EVPL: variants seen among roughly 807,000 people sequenced by gnomAD.
EVPL encodes 210 kDa cornified envelope precursor protein.
A neutral mutation model predicts 129.7 loss-of-function variants in EVPL; 94 were observed. The observed-to-expected ratio is 0.72, with a 90% confidence interval of 0.61 to 0.86. The LOEUF (loss-of-function observed/expected upper bound fraction) is 0.86. Ranked by LOEUF, EVPL falls within the 40% of genes least tolerant of loss-of-function variation. The pLI is 0.00. For synonymous variants in EVPL, 1,172 were observed against 1,191.1 expected, an observed-to-expected ratio of 0.98 and a Z score of 0.33; for missense variants, 2,625 against 2,721.1, an observed-to-expected ratio of 0.96 and a Z score of 0.79.
At position 76,007,891 on chromosome 17, in the gene EVPL, G is replaced by A; in HGVS notation, c.5314C>T (p.Pro1772Ser). 2 of 1,614,034 alleles carry A rather than the reference G, an allele frequency of 1.2e-6. No homozygotes were observed. Among genetic ancestry groups the A allele is most frequent in the South Asian group, 1.1e-5 (1 of 91,090 alleles). ...ACAAGCAGCGCAAACTCGGAGATGGGCAGGTGGCCGTCCTTGTACAGATGG... is the reference window on the plus strand; with the variant it reads ...ACAAGCAGCGCAAACTCGGAGATGGACAGGTGGCCGTCCTTGTACAGATGG... ...EYHLYKDGHLPISEFALLVAG... is the reference protein window; with the variant it reads ...EYHLYKDGHLSISEFALLVAG... The change falls in exon 22 of 22, where the codon CCC (proline) becomes TCC (serine). Residue 1772 changes from proline to serine, a missense_variant. Around this residue, in one of 4 missense-constraint regions of EVPL, gnomAD observed 1,453 missense variants for 1,511.8 expected, o/e 0.96. Transcript: ENST00000301607. This position sits in a 1 kb window ranked among gnomAD's most constrained non-coding sequence, Gnocchi z 8.8.
chr17:76,014,987 C>T lies in EVPL; in HGVS notation c.2151G>A (p.Leu717=), dbSNP rs746329509. 9.4e-6 allele frequency: 15 copies of T among 1,596,532 alleles called. No homozygotes were observed. The highest frequency in any genetic ancestry group is 6.7e-5 in the African/African-American group (5 of 74,782). ...QNNFQEFCQD[L]PRQQRQVRAL... is the part of the protein sequence containing the mutation. ...CTCGCACCTGGCGCTGCTGGCGAGG[C>T]AGGTCTTGGCAGAACTCCTGGAAGT... is the stretch of plus-strand genomic sequence containing the variant. Residue 717 remains leucine, a synonymous_variant, in exon 17 of 22, where the codon CTG becomes CTA. Coordinates refer to ENST00000301607, the MANE Select transcript of EVPL (RefSeq NM_001988.4).
In EVPL at chr17:76,008,340, T is replaced by G. The variant is rs140054971; in HGVS notation, c.4865A>C (p.Gln1622Pro). The change falls in exon 22 of 22, where the codon CAG (glutamine) becomes CCG (proline). Residue 1622 changes from glutamine to proline, a missense_variant. Around this residue, in one of 4 missense-constraint regions of EVPL, gnomAD observed 1,453 missense variants for 1,511.8 expected, o/e 0.96. Coordinates refer to ENST00000301607, the MANE Select transcript of EVPL (RefSeq NM_001988.4). The surrounding 1 kb of genome is among the most constrained non-coding windows in gnomAD (Gnocchi z 7.4). ...QLQEESKLLS[Q>P]KTESERQKAA... is the part of the protein sequence containing the mutation. ...CTTCTGTCGCTCGCTCTCCGTCTTC[T>G]GGCTGAGCAGCTTCGACTCCTCCTG... The G allele has an allele frequency of 8.1e-6, 13 of 1,605,140 alleles. No individual in the cohort carries two copies. In the Middle Eastern group the frequency reaches 6.6e-4, roughly 81 times the overall value.
intron 21 of EVPL, 69 bp from the exon 22 acceptor site, chr17:76,010,612 A>G (rs374582363): frequency 1.4e-6 from 2 of 1,475,268 alleles, no homozygotes. Context: ...TTTTCCTGAG[A>G]TGAAAGACCC....
At position 76,009,193 on chromosome 17, in the gene EVPL, G is replaced by T. The variant is rs780356889; in HGVS notation, c.4012C>A (p.Arg1338=). Residue 1338 remains arginine, a synonymous_variant, in exon 22 of 22, where the codon CGG becomes AGG. Coordinates refer to ENST00000301607, the MANE Select transcript of EVPL (RefSeq NM_001988.4). The surrounding 1 kb of genome is among the most constrained non-coding windows in gnomAD (Gnocchi z 5.9). ...GCCCGCCTCTTCTGGGCCGCCTCCC[G>T]CACCTCCTGGCGGAGCCGCTCTGCT... ...KEAERLRQEV[R]EAAQKRRAAE... The T allele has an allele frequency of 6.3e-5, 101 of 1,609,814 alleles. No homozygotes were observed. Among genetic ancestry groups the T allele is most frequent in the Non-Finnish European group, 8.1e-5 (95 of 1,179,852 alleles).
rs754513385 is a variant in EVPL at position 76,022,467 on chromosome 17, G to A, written c.552C>T (p.Ile184=). ...ELEQQIAEHN[I]LQKEIDAYGQ... is the part of the protein sequence containing the mutation. Reference sequence around the variant, plus strand: ...CATAGGCGTCGATCTCCTTCTGCAGGATGTTGTGCTCGGCGATCTGTTGCT... The same window carrying A: ...CATAGGCGTCGATCTCCTTCTGCAGAATGTTGTGCTCGGCGATCTGTTGCT... The change falls in exon 5 of 22, where the codon ATC becomes ATT. Residue 184 remains isoleucine (I), a synonymous_variant. Transcript: ENST00000301607. The surrounding 1 kb of genome is among the most constrained non-coding windows in gnomAD (Gnocchi z 5.6). 4.3e-6 allele frequency: 7 copies of A among 1,613,786 alleles called. No homozygotes were observed. In the South Asian group the frequency reaches 7.7e-5, roughly 18 times the overall value.
rs1344830583 is a variant in EVPL, at chr17:76,024,715, A to G, written c.99-595T>C. Among the ~76,000 whole-genome samples, 1 of 152,100 alleles carries G rather than the reference A, an allele frequency of 6.6e-6. No homozygotes were observed. Among genetic ancestry groups the G allele is most frequent in the East Asian group, 1.9e-4 (1 of 5,190 alleles). On this transcript the variant is annotated intron_variant, in intron 1 of 21. Coordinates refer to ENST00000301607, the MANE Select transcript of EVPL (RefSeq NM_001988.4). The surrounding 1 kb of genome is among the most constrained non-coding windows in gnomAD (Gnocchi z 4.5). ...GCAAGAGACTACTGGGCACCCTAAC[A>G]TTCTCCAGAGTTGAGGGTTCAAAGC... is the stretch of plus-strand genomic sequence containing the variant.
In EVPL at chr17:76,015,384, G is replaced by C; in HGVS notation, c.1890-19C>G. The C allele has an allele frequency of 6.2e-7, 1 of 1,603,256 alleles. No individual in the cohort carries two copies. Among genetic ancestry groups the C allele is most frequent in the Non-Finnish European group, 8.5e-7 (1 of 1,175,840 alleles). ...CTTGGCTCTGCCGCAGAGGAGGCAA[G>C]GCTCAGACACTCCCTGGGCCACACG... is the stretch of plus-strand genomic sequence containing the variant. On this transcript the variant is annotated intron_variant, in intron 15 of 21. Coordinates refer to ENST00000301607, the MANE Select transcript of EVPL (RefSeq NM_001988.4).
rs746454582 is a variant in EVPL, at chr17:76,010,128, G to C, written c.3077C>G (p.Pro1026Arg). The change falls in exon 22 of 22, where the codon CCC (proline) becomes CGC (arginine). Residue 1026 changes from proline to arginine, a missense_variant. Physicochemically the swap from Pro to Arg is moderately radical, Grantham distance 103. Transcript: ENST00000301607. ...CTGGGCCGCCTGGCTGTCCAGGCCG[G>C]GGTCCCTCTCCACCTGGGTGACCTC... is the stretch of plus-strand genomic sequence containing the variant. ...TKEVTQVERD[P>R]GLDSQAAQLR... The C allele has an allele frequency of 4.8e-5, 77 of 1,613,906 alleles. No homozygotes were observed. Among genetic ancestry groups the C allele is most frequent in the Non-Finnish European group, 5.7e-5 (67 of 1,180,034 alleles).
Position 76,008,877 on chromosome 17 carries a change from G to T in EVPL, c.4328C>A (p.Thr1443Asn), listed in dbSNP as rs1378094546. ...CTTCTCGAGCTCCTGGATCCTCAAG[G>T]TCAGCTGCCGCAGCTCCCTCTCCAC... ...LAVERELRQL[T>N]LRIQELEKRP... Residue 1443 changes from threonine to asparagine, a missense_variant, in exon 22 of 22, where the codon ACC becomes AAC. Coordinates refer to ENST00000301607, the MANE Select transcript of EVPL (RefSeq NM_001988.4). This position sits in a 1 kb window ranked among gnomAD's most constrained non-coding sequence, Gnocchi z 7.4. 2 of 1,613,652 alleles carry T rather than the reference G, an allele frequency of 1.2e-6. No homozygotes were observed. The highest frequency in any genetic ancestry group is 1.7e-6 in the Non-Finnish European group (2 of 1,179,998).
chr17:76,025,741 C>A (rs1002398692), intron 1 of EVPL, among the ~76,000 whole-genome samples: 1 of 152,258 alleles, frequency 6.6e-6, no homozygotes, highest in African/African-American at 2.4e-5. Flanking sequence ...CACTCCCACA[C>A]CAGCCTTTCA....
In EVPL at chr17:76,008,945, C is replaced by T; in HGVS notation, c.4260G>A (p.Glu1420=). The change falls in exon 22 of 22, where the codon GAG becomes GAA. Residue 1420 remains glutamate, a synonymous_variant. Transcript: ENST00000301607. The surrounding 1 kb of genome is among the most constrained non-coding windows in gnomAD (Gnocchi z 7.4). ...QQLRAGVEEQ[E]GLLSFQEDRS... The stretch of plus-strand genomic sequence containing the variant: ...GGTCCTCCTGGAAGCTGAGCAGGCC[C>T]TCCTGCTCCTCCACGCCGGCCCGCA... 1.2e-6 allele frequency: 2 copies of T among 1,612,182 alleles called. No individual in the cohort carries two copies. Among genetic ancestry groups the T allele is most frequent in the Non-Finnish European group, 1.7e-6 (2 of 1,179,992 alleles).
Position 76,008,764 on chromosome 17 carries a change from G to A in EVPL, c.4441C>T (p.Leu1481=). ...TTCTCCTGGTCCAGGTCCCACCGCA[G>A]GGCTTCCGTGGACTTCTCCAGGTCC... is the stretch of plus-strand genomic sequence containing the variant. The part of the protein sequence containing the change: ...DPDLEKSTEA[L]RWDLDQEKTQ... The change falls in exon 22 of 22, where the codon CTG becomes TTG. Residue 1481 remains leucine, a synonymous_variant. Transcript: ENST00000301607. This position sits in a 1 kb window ranked among gnomAD's most constrained non-coding sequence, Gnocchi z 7.4. 2 of 1,614,138 alleles carry A rather than the reference G, an allele frequency of 1.2e-6. No individual in the cohort carries two copies. The highest frequency in any genetic ancestry group is 1.7e-6 in the Non-Finnish European group (2 of 1,180,030).
At chr17:76,016,271 C>T (rs936184585) in intron 14 of EVPL, among the ~76,000 whole-genome samples, 1 of 152,264 alleles carries the variant, frequency 6.6e-6, no homozygotes, top group Non-Finnish European at 1.5e-5. Flanking sequence ...GTCCTGCTCA[C>T]AAGACCATCA....
At chr17:76,019,999 A>AGTTTT (rs1204358174) in intron 9 of EVPL, among the ~76,000 whole-genome samples, 1 of 152,216 alleles carries the variant, frequency 6.6e-6, no homozygotes, top group Non-Finnish European at 1.5e-5. Flanking sequence ...GCCAAACACA[A>AGTTTT]ACCAGATAAA....
rs145368720 is a variant in EVPL at position 76,007,356 on chromosome 17, G to A, written c.5849C>T (p.Thr1950Ile). The change falls in exon 22 of 22, where the codon ACA becomes ATA. Residue 1950 changes from threonine (T) to isoleucine (I), a missense_variant. Physicochemically the swap from Thr to Ile is moderately conservative, Grantham distance 89 (BLOSUM62 -1). Around this residue, in one of 4 missense-constraint regions of EVPL, gnomAD observed 1,453 missense variants for 1,511.8 expected, o/e 0.96. Coordinates refer to ENST00000301607, the MANE Select transcript of EVPL (RefSeq NM_001988.4). The surrounding 1 kb of genome is among the most constrained non-coding windows in gnomAD (Gnocchi z 8.8). ...LTGGLIDPKR[T>I]GRIPIQQALL... is the part of the protein sequence containing the mutation. Reference sequence around the variant, plus strand: ...GGCCTGCTGGATGGGGATGCGGCCTGTCCTCTTGGGGTCGATGAGCCCCCC... The same window carrying A: ...GGCCTGCTGGATGGGGATGCGGCCTATCCTCTTGGGGTCGATGAGCCCCCC... The A allele has an allele frequency of 1.9e-6, 3 of 1,589,548 alleles. No individual in the cohort carries two copies. The highest frequency in any genetic ancestry group is 2.6e-6 in the Non-Finnish European group (3 of 1,164,046).
Position 76,021,683 on chromosome 17 carries a change from C to T in EVPL, c.906G>A (p.Gly302=). 1.3e-6 allele frequency: 2 copies of T among 1,500,738 alleles called. No homozygotes were observed. Among genetic ancestry groups the T allele is most frequent in the Non-Finnish European group, 1.8e-6 (2 of 1,109,598 alleles). The allele number at this position is 1,500,738 out of a possible 1,614,324, so 93.0% of individuals were successfully genotyped here. Residue 302 remains glycine, a synonymous_variant, in exon 8 of 22, where the codon GGG becomes GGA. Transcript: ENST00000301607. The part of the protein sequence containing the change: ...RMVELRHPAV[G]PIQAHQEALK... Reference sequence around the variant, plus strand: ...CCCTGCCCCAGCGCACCTGGATGGGCCCCACCGCGGGGTGCCGCAGCTCCA... The same window carrying T: ...CCCTGCCCCAGCGCACCTGGATGGGTCCCACCGCGGGGTGCCGCAGCTCCA...
Position 76,024,877 on chromosome 17 carries a change from C to T in EVPL, c.99-757G>A, listed in dbSNP as rs1281571526. ...CTGCTGTGTGCATGCACTCACTGTGCGGAGGTCACAAGGTCAAGCAGACCT... is the reference window on the plus strand; with the variant it reads ...CTGCTGTGTGCATGCACTCACTGTGTGGAGGTCACAAGGTCAAGCAGACCT... On this transcript the variant is annotated intron_variant, in intron 1 of 21. Coordinates refer to ENST00000301607, the MANE Select transcript of EVPL (RefSeq NM_001988.4). This position sits in a 1 kb window ranked among gnomAD's most constrained non-coding sequence, Gnocchi z 4.5. 9.9e-5 allele frequency among the ~76,000 whole-genome samples: 15 copies of T among 152,148 alleles called. No homozygotes were observed. Among genetic ancestry groups the T allele is most frequent in the East Asian group, 1.9e-4 (1 of 5,198 alleles).
At chr17:76,012,455 A>G (rs951042830) in intron 18 of EVPL, among the ~76,000 whole-genome samples, 1 of 151,918 alleles carries the variant, frequency 6.6e-6, no homozygotes, top group African/African-American at 2.4e-5. Flanking sequence ...CCACCATGCC[A>G]GGCTAATTTT....
chr17:76,027,301 T>G lies in EVPL; in HGVS notation c.-103A>C. On this transcript the variant is annotated 5_prime_UTR_variant, in exon 1 of 22. Transcript: ENST00000301607. Reference sequence around the variant, plus strand: ...CGTCCTCACTGGCTGGTCAGCTAAGTCTGGCGAGGTGGGGCGGCTGGGCAC... The same window carrying G: ...CGTCCTCACTGGCTGGTCAGCTAAGGCTGGCGAGGTGGGGCGGCTGGGCAC... 2 of 842,798 alleles carry G rather than the reference T, an allele frequency of 2.4e-6. No homozygotes were observed. The highest frequency in any genetic ancestry group is 4.0e-6 in the Non-Finnish European group (2 of 501,258). The allele number at this position is 842,798 out of a possible 1,614,324, so 52.2% of individuals were successfully genotyped here.
Sources: gnomAD v4.1 joint callset for allele counts (sites outside exome capture counted in the v4.1 genomes callset) on GRCh38, gnomAD v4.1.1 for gene constraint, gnomAD v4.1.1 regional missense constraint, Gnocchi (gnomAD v3.1) non-coding constraint, MANE v1.5 for transcripts, NCBI Gene and HGNC (gene_info 2026-07-23, HGNC 2026-07-21) for gene names.